Variants in ETS1 observed in about 807,000 individuals in gnomAD.
ETS1 encodes ETS proto-oncogene 1, transcription factor, also known as protein C-ets-1.
ETS1 carries 15 observed loss-of-function variants against 58.6 expected under a neutral mutation model. That is an observed-to-expected ratio of 0.26 (90% CI 0.17 to 0.39). The LOEUF is 0.39. Ranked by LOEUF, ETS1 falls within the 10% of genes least tolerant of loss-of-function variation. The pLI is 1.00. For synonymous variants in ETS1, 214 were observed against 218.2 expected (o/e 0.98, Z 0.17); for missense variants, 417 against 610.5 (o/e 0.68, Z 3.34).
chr11:128,499,448 G>T (rs1863028683), intron 3 of ETS1, among the ~76,000 whole-genome samples: 1 of 152,034 alleles, frequency 6.6e-6, no homozygotes, highest in Admixed American at 6.5e-5. Flanking sequence ...TATCATGTAG[G>T]TGAGGAAACT....
chr11:128,578,984 T>C (rs1864808563), intron 1 of ETS1, among the ~76,000 whole-genome samples: 1 of 152,318 alleles, frequency 6.6e-6, no homozygotes, highest in South Asian at 2.1e-4. Context: ...ACAAAGAAAA[T>C]ATGCATTCCA....
chr11:128,517,936 C>T (rs1253464817), intron 3 of ETS1, among the ~76,000 whole-genome samples: 1 of 152,154 alleles, frequency 6.6e-6, no homozygotes, highest in Admixed American at 6.5e-5. Flanking sequence ...CTCTGCCAAC[C>T]AAATAAATAA....
At chr11:128,537,293 T>C (rs1863984648) in intron 3 of ETS1, among the ~76,000 whole-genome samples, 1 of 152,172 alleles carries the variant, frequency 6.6e-6, no homozygotes, top group Non-Finnish European at 1.5e-5. Context: ...GACATTATTT[T>C]CCCACTAACA....
chr11:128,557,033 C>A (rs1864323747), intron 2 of ETS1, among the ~76,000 whole-genome samples: 1 of 152,160 alleles, frequency 6.6e-6, no homozygotes. Context: ...TATACAATCC[C>A]AATCTACATA....
At chr11:128,585,160 GA>G (rs71055284) in intron 1 of ETS1, among the ~76,000 whole-genome samples, 302 of 26,334 alleles carry the variant, frequency 0.011, 45 homozygotes, top group East Asian at 0.019. Context: ...AAGAAAGAAA[GA>G]AAGAAAGAGA....
intron 8 of ETS1, among the ~76,000 whole-genome samples, chr11:128,471,410 T>C (rs1862184587): frequency 6.6e-6 from 1 of 152,228 alleles, no homozygotes; most frequent in African/African-American, 2.4e-5. Flanking sequence ...CAAGTACACA[T>C]GTGTGGGGGC....
intron 8 of ETS1, among the ~76,000 whole-genome samples, chr11:128,479,357 C>T (rs1029180392): frequency 2.0e-5 from 3 of 152,226 alleles, no homozygotes; most frequent in African/African-American, 7.2e-5. Flanking sequence ...CTACTCACAA[C>T]ACACTTTCTA....
chr11:128,469,063 A>T (rs917927015), intron 8 of ETS1, among the ~76,000 whole-genome samples: 1 of 152,226 alleles, frequency 6.6e-6, no homozygotes, highest in African/African-American at 2.4e-5. Context: ...GCTTCTCTCT[A>T]TTAAACAATA....
chr11:128,465,968 C>T (rs908408596), intron 8 of ETS1, among the ~76,000 whole-genome samples: 6 of 152,226 alleles, frequency 3.9e-5, no homozygotes, highest in Non-Finnish European at 7.3e-5. Context: ...CTCAATGCTA[C>T]GTTGCCCCTG....
At chr11:128,467,287 G>C (rs918314651) in intron 8 of ETS1, among the ~76,000 whole-genome samples, 1 of 152,162 alleles carries the variant, frequency 6.6e-6, no homozygotes, top group Non-Finnish European at 1.5e-5. Flanking sequence ...AAAGCTTAGA[G>C]GCAGCTCTGG....
intron 3 of ETS1, among the ~76,000 whole-genome samples, chr11:128,553,781 C>T (rs150665660): frequency 5.0e-4 from 76 of 152,122 alleles, no homozygotes; most frequent in Non-Finnish European, 8.7e-4. Flanking sequence ...GATGGCCCCT[C>T]CTGTCAGTGT....
chr11:128,481,494 G>A (rs896143133), intron 7 of ETS1, among the ~76,000 whole-genome samples: 3 of 152,136 alleles, frequency 2.0e-5, no homozygotes, highest in Admixed American at 2.0e-4. Context: ...CGCAGGAATG[G>A]TTTTTATATG....
intron 2 of ETS1, among the ~76,000 whole-genome samples, chr11:128,563,303 G>A (rs1289786200): frequency 1.3e-5 from 2 of 152,190 alleles, no homozygotes; most frequent in Non-Finnish European, 2.9e-5. Context: ...AAGCAAGGCT[G>A]AGTCAACACT....
chr11:128,484,736 GAA>G, intron 7 of ETS1, 85 bp downstream of exon 7: 2 of 1,175,384 alleles, frequency 1.7e-6, no homozygotes, highest in Non-Finnish European at 1.2e-6. Flanking sequence ...TAATAAATAA[GAA>G]AAAAAAAATG....
At chr11:128,494,090 C>T (rs1424220779) in intron 3 of ETS1, among the ~76,000 whole-genome samples, 4 of 152,180 alleles carry the variant, frequency 2.6e-5, no homozygotes, top group Non-Finnish European at 5.9e-5. Flanking sequence ...TCACTACCTC[C>T]ATAGACATTA....
At chr11:128,513,068 C>T (rs1863433234) in intron 3 of ETS1, among the ~76,000 whole-genome samples, 1 of 152,226 alleles carries the variant, frequency 6.6e-6, no homozygotes, top group South Asian at 2.1e-4. Flanking sequence ...CTACCCAAGA[C>T]AACATGCCTC....
At chr11:128,575,844 C>T (rs149504088) in intron 1 of ETS1, among the ~76,000 whole-genome samples, 79 of 152,340 alleles carry the variant, frequency 5.2e-4, no homozygotes, top group Non-Finnish European at 9.1e-4. Flanking sequence ...TTTCAAATGC[C>T]TATTTTACTT....
At chr11:128,520,569 A>G (rs1863639561) in intron 3 of ETS1, among the ~76,000 whole-genome samples, 2 of 152,246 alleles carry the variant, frequency 1.3e-5, no homozygotes, top group Non-Finnish European at 2.9e-5. Context: ...TCATAGAAAC[A>G]GCATTTCTGA....
At chr11:128,555,147 T>C (rs1476604881) in intron 3 of ETS1, among the ~76,000 whole-genome samples, 1 of 152,212 alleles carries the variant, frequency 6.6e-6, no homozygotes, top group East Asian at 1.9e-4. Flanking sequence ...CATTCTGCCC[T>C]GGAGAGAAAC....
Sources: gnomAD v4.1 joint callset for allele counts (sites outside exome capture counted in the v4.1 genomes callset) on GRCh38, gnomAD v4.1.1 for gene constraint, MANE v1.5 for transcripts, NCBI Gene and HGNC (gene_info 2026-07-23, HGNC 2026-07-21) for gene names.